Variants in FGGY observed in about 807,000 individuals in gnomAD.
FGGY encodes FGGY carbohydrate kinase domain containing.
In FGGY, 72 loss-of-function variants were observed where a neutral mutation model predicts 71.3. That is an observed-to-expected ratio of 1.01 (90% CI 0.84 to 1.23). FGGY has a LOEUF of 1.23. Ranked by LOEUF, FGGY falls within the 50% of genes most tolerant of loss-of-function variation. The probability of loss-of-function intolerance (pLI) is 0.00; values close to 1 mark genes in which losing one functional copy is unlikely to be tolerated. For missense variants in FGGY, 668 were observed against 682.3 expected (o/e 0.98, Z 0.23); for synonymous variants, 251 against 250.3 (o/e 1.00, Z -0.02).
intron 8 of FGGY, among the ~76,000 whole-genome samples, chr1:59,575,714 T>A (rs760423819): frequency 7.2e-5 from 11 of 152,194 alleles, no homozygotes; most frequent in Non-Finnish European, 1.3e-4. Context: ...TCCCACAGAT[T>A]TTTAAAAAGT....
At chr1:59,328,556 G>A (rs2047858442) in intron 2 of FGGY, among the ~76,000 whole-genome samples, 1 of 152,158 alleles carries the variant, frequency 6.6e-6, no homozygotes, top group South Asian at 2.1e-4. Context: ...TTCTTATTCA[G>A]GTGTTCACTG....
At chr1:59,590,172 A>C (rs2096401762) in intron 8 of FGGY, among the ~76,000 whole-genome samples, 1 of 152,240 alleles carries the variant, frequency 6.6e-6, no homozygotes, top group African/African-American at 2.4e-5. Flanking sequence ...CTACTCAAAT[A>C]AACTAGAAAA....
chr1:59,533,294 A>G (rs2095211667), intron 7 of FGGY, among the ~76,000 whole-genome samples: 1 of 152,180 alleles, frequency 6.6e-6, no homozygotes, highest in African/African-American at 2.4e-5. Flanking sequence ...CGCTTTTCCG[A>G]CGGGCTTAAA....
At chr1:59,494,453 T>A (rs2093972186) in intron 6 of FGGY, among the ~76,000 whole-genome samples, 1 of 152,078 alleles carries the variant, frequency 6.6e-6, no homozygotes, top group Admixed American at 6.6e-5. Context: ...AAAGACCAGT[T>A]TAGCAGAATG....
chr1:59,591,705 A>G (rs1258207208), intron 8 of FGGY, among the ~76,000 whole-genome samples: 2 of 152,222 alleles, frequency 1.3e-5, no homozygotes, highest in Admixed American at 6.5e-5. Flanking sequence ...TCCCTATTTA[A>G]TAAATGGTGC....
chr1:59,456,209 C>A (rs922838909), intron 5 of FGGY, among the ~76,000 whole-genome samples: 1 of 152,106 alleles, frequency 6.6e-6, no homozygotes, highest in African/African-American at 2.4e-5. Context: ...TTGCTTAAAG[C>A]GCATTCCAGA....
intron 9 of FGGY, among the ~76,000 whole-genome samples, chr1:59,615,343 C>T (rs998525879): frequency 3.8e-4 from 58 of 152,198 alleles, no homozygotes; most frequent in African/African-American, 1.4e-3. Context: ...AGAAATAATG[C>T]CACATATCTA....
chr1:59,588,856 C>T (rs898099817), intron 8 of FGGY, among the ~76,000 whole-genome samples: 2 of 152,156 alleles, frequency 1.3e-5, no homozygotes, highest in Non-Finnish European at 2.9e-5. Context: ...TAAAGACCAT[C>T]GAGGCTAGGA....
chr1:59,478,962 C>T (rs1385421515), intron 6 of FGGY, among the ~76,000 whole-genome samples: 2 of 152,130 alleles, frequency 1.3e-5, no homozygotes, highest in Non-Finnish European at 2.9e-5. Context: ...GACTCGGGGA[C>T]CTTAGTGAAA....
chr1:59,391,078 C>T (rs780953856), intron 5 of FGGY, among the ~76,000 whole-genome samples: 1 of 152,144 alleles, frequency 6.6e-6, no homozygotes, highest in South Asian at 2.1e-4. Context: ...AGTTAAATAG[C>T]TTGTGGATGG....
At chr1:59,317,906 C>G (rs1170823700) in intron 1 of FGGY, among the ~76,000 whole-genome samples, 1 of 152,176 alleles carries the variant, frequency 6.6e-6, no homozygotes, top group East Asian at 1.9e-4. Flanking sequence ...TTGCTAGAAG[C>G]AGGCCACCTG....
At chr1:59,391,810 A>G (rs1032214521) in intron 5 of FGGY, among the ~76,000 whole-genome samples, 1 of 152,212 alleles carries the variant, frequency 6.6e-6, no homozygotes. Flanking sequence ...ATTTTCTCTG[A>G]GACCTTGAAT....
chr1:59,462,466 A>G (rs1315225832), intron 6 of FGGY, among the ~76,000 whole-genome samples: 1 of 152,168 alleles, frequency 6.6e-6, no homozygotes, highest in African/African-American at 2.4e-5. Flanking sequence ...ATGGGATCTC[A>G]TTAAACTAAA....
intron 8 of FGGY, among the ~76,000 whole-genome samples, chr1:59,603,028 GT>G (rs1232032338): frequency 6.6e-6 from 1 of 152,038 alleles, no homozygotes; most frequent in Non-Finnish European, 1.5e-5. Flanking sequence ...TGTTTTTGAA[GT>G]TTTTATAATG....
intron 6 of FGGY, among the ~76,000 whole-genome samples, chr1:59,466,988 G>A (rs781488943): frequency 2.6e-5 from 4 of 151,970 alleles, no homozygotes; most frequent in Middle Eastern, 3.2e-3. Context: ...TTGACCCAGC[G>A]ATTCCATTAC....
intron 2 of FGGY, among the ~76,000 whole-genome samples, chr1:59,334,503 A>C (rs181663846): frequency 1.1e-3 from 167 of 152,294 alleles, no homozygotes; most frequent in Middle Eastern, 3.4e-3. Flanking sequence ...CTTTGTAAGG[A>C]TTAAATAATA....
At chr1:59,448,412 A>G (rs1397498659) in intron 5 of FGGY, among the ~76,000 whole-genome samples, 1 of 152,096 alleles carries the variant, frequency 6.6e-6, no homozygotes, top group Non-Finnish European at 1.5e-5. Flanking sequence ...AGGTAGGCAA[A>G]ACCAGGAGAG....
intron 12 of FGGY, among the ~76,000 whole-genome samples, chr1:59,661,971 G>A (rs1302772991): frequency 3.4e-5 from 5 of 148,528 alleles, no homozygotes; most frequent in Admixed American, 6.6e-5. Flanking sequence ...CACCCGTCTC[G>A]GCCTCCCAAA....
chr1:59,730,707 G>A (rs1008060593), intron 14 of FGGY, among the ~76,000 whole-genome samples: 2 of 152,134 alleles, frequency 1.3e-5, no homozygotes, highest in Non-Finnish European at 2.9e-5. Flanking sequence ...AAGTTTTAAA[G>A]CACTGAGGAC....
Sources: allele counts gnomAD v4.1 joint callset (sites outside exome capture counted in the v4.1 genomes callset), GRCh38; gene constraint gnomAD v4.1.1; transcripts MANE v1.5; gene names NCBI Gene and HGNC (gene_info 2026-07-23, HGNC 2026-07-21).